Variants in TTC14 observed in about 807,000 individuals in gnomAD.
TTC14 encodes the protein tetratricopeptide repeat domain 14.
A neutral mutation model predicts 79.9 loss-of-function variants in TTC14; 63 were observed. The observed-to-expected ratio is 0.79, with a 90% CI of 0.64 to 0.97. The LOEUF is 0.97. Among genes scored for constraint, TTC14 ranks in the 50% least tolerant of loss-of-function variants. TTC14 has a pLI of 0.00. For missense variants in TTC14, 895 were observed against 894.0 expected (o/e 1.00, Z -0.01); for synonymous variants, 335 against 309.6 (o/e 1.08, Z -0.86).
rs1252012556 is a variant in TTC14 at position 180,610,282 on chromosome 3, T to TA, written c.2054dup (p.Tyr685Ter). 6.2e-7 allele frequency: 1 copy of TA among 1,613,478 alleles called. No individual in the cohort carries two copies. The highest frequency in any genetic ancestry group is 1.1e-5 in the South Asian group (1 of 90,992). Residue 685 changes from tyrosine (Y) to a stop codon, truncating the protein, a stop_gained and frameshift_variant, in exon 12 of 12, where the codon TAC (tyrosine) becomes TAAC (stop). Transcript: ENST00000296015. LOFTEE classifies it high-confidence loss of function. ...SEYSWKSVEKYKKYAHSGSRD... is the reference protein window; with the variant it reads ...SEYSWKSVEK ...ATACTCTTGGAAGTCAGTTGAGAAATACAAAAAATACGCTCACTCTGGATC... is the reference window on the plus strand; with the variant it reads ...ATACTCTTGGAAGTCAGTTGAGAAATAACAAAAAATACGCTCACTCTGGATC...
chr3:180,615,226 A>G (rs1717186638), downstream of TTC14: 2 of 563,308 alleles, frequency 3.6e-6, no homozygotes, highest in South Asian at 2.8e-5. Context: ...ATGACCATCA[A>G]TAGATATCAA....
Position 180,604,612 on chromosome 3 carries a change from T to C in TTC14, c.701+5T>C. ...AGAGCTTCCTTTATACTACAGGTAA[T>C]TTATCCGTATTATTTCAACAACAGT... On this transcript the variant is annotated splice_donor_5th_base_variant and intron_variant, in intron 5 of 11. Coordinates refer to ENST00000296015, the MANE Select transcript of TTC14 (RefSeq NM_133462.4). 6.3e-7 allele frequency: 1 copy of C among 1,591,972 alleles called. No homozygotes were observed. Among genetic ancestry groups the C allele is most frequent in the Non-Finnish European group, 8.5e-7 (1 of 1,173,824 alleles).
chr3:180,615,030 A>G (rs768191208), downstream of TTC14: 15 of 1,556,386 alleles, frequency 9.6e-6, no homozygotes, highest in Non-Finnish European at 1.3e-5. Flanking sequence ...AAGCTCCAGT[A>G]CTTTAATTGA....
chr3:180,604,198 G>A (rs1292764695), intron 3 of TTC14, 27 bp from the exon 4 acceptor site: 69 of 1,579,632 alleles, frequency 4.4e-5, no homozygotes, highest in Non-Finnish European at 5.7e-5. Context: ...TGAAATGTCT[G>A]GTGTTTTAAA....
rs1017304685 is a variant in TTC14 at position 180,610,303 on chromosome 3, G to A, written c.2074G>A (p.Gly692Arg). The A allele has an allele frequency of 6.2e-7, 1 of 1,613,262 alleles. No homozygotes were observed. Among genetic ancestry groups the A allele is most frequent in the Non-Finnish European group, 8.5e-7 (1 of 1,179,790 alleles). Residue 692 changes from glycine to arginine, a missense_variant, in exon 12 of 12, where the codon GGA becomes AGA. Coordinates refer to ENST00000296015, the MANE Select transcript of TTC14 (RefSeq NM_133462.4). ...GAAATACAAAAAATACGCTCACTCT[G>A]GATCACGTGATTTCAGTAGACATGA... ...VEKYKKYAHSGSRDFSRHEQR... is the reference protein window; with the variant it reads ...VEKYKKYAHSRSRDFSRHEQR...
Position 180,609,777 on chromosome 3 carries a change from C to T in TTC14, c.1548C>T (p.Ser516=). 1 of 1,613,948 alleles carries T rather than the reference C, an allele frequency of 6.2e-7. No homozygotes were observed. The highest frequency in any genetic ancestry group is 1.7e-5 in the Admixed American group (1 of 60,006). ...ACCGTTCAGAGTCTTCTCGCAGTTC[C>T]AGAAGGCATTCATCTAGGGCATCCT... ...KRNRSESSRS[S]RRHSSRASSN... Residue 516 remains serine (S), a synonymous_variant, in exon 12 of 12, where the codon TCC becomes TCT. Transcript: ENST00000296015.
In TTC14 at chr3:180,606,287, C is replaced by T. The variant is rs139586136; in HGVS notation, c.964C>T (p.Arg322Cys). 172 of 1,613,916 alleles carry T rather than the reference C, an allele frequency of 1.1e-4. No homozygotes were observed. The highest frequency in any genetic ancestry group is 2.8e-4 in the Admixed American group (17 of 60,012). Residue 322 changes from arginine (R) to cysteine (C), a missense_variant, in exon 8 of 12, where the codon CGC becomes TGC. Physicochemically the swap from Arg to Cys is radical, Grantham distance 180. Coordinates refer to ENST00000296015, the MANE Select transcript of TTC14 (RefSeq NM_133462.4). ...KIGVDYFKVG[R>C]HVDAMNEYNK... ...CGGAGTTGACTATTTTAAAGTTGGACGCCATGTGGATGCTATGAATGAATA... is the reference window on the plus strand; with the variant it reads ...CGGAGTTGACTATTTTAAAGTTGGATGCCATGTGGATGCTATGAATGAATA...
In TTC14 at chr3:180,610,761, A is replaced by G; in HGVS notation, c.*219A>G. The G allele has an allele frequency of 6.0e-6, 7 of 1,163,884 alleles. No individual in the cohort carries two copies. Among genetic ancestry groups the G allele is most frequent in the Non-Finnish European group, 7.4e-6 (7 of 942,116 alleles). 72.1% of individuals were successfully genotyped at this position (1,163,884 alleles called of 1,614,324 possible). ...AGACTTTTTATGTATATGTTTATGT[A>G]CAGTATATTACTCTTGACAGTTTGA... On this transcript the variant is annotated 3_prime_UTR_variant, in exon 12 of 12. Transcript: ENST00000296015.
chr3:180,610,075 C>G lies in TTC14; in HGVS notation c.1846C>G (p.Pro616Ala), dbSNP rs377159299. The change falls in exon 12 of 12, where the codon CCA becomes GCA. Residue 616 changes from proline to alanine, a missense_variant. Transcript: ENST00000296015. The part of the protein sequence containing the change: ...TQAGSSKTEK[P>A]YKSERHFSSR... The stretch of plus-strand genomic sequence containing the variant: ...AGCAGGTAGTAGCAAAACAGAAAAG[C>G]CATATAAATCAGAAAGACATTTTTC... 36 of 1,613,416 alleles carry G rather than the reference C, an allele frequency of 2.2e-5. 1 individual carries two copies. The highest frequency in any genetic ancestry group is 2.1e-4 in the African/African-American group (16 of 74,906).
chr3:180,609,879 T>C lies in TTC14; in HGVS notation c.1650T>C (p.His550=). ...ATACTTCAGCATCTTTTCTTAACCA[T>C]AAACAAGAAGTGGAGAAACTACTGG... ...PANTSASFLN[H]KQEVEKLLGK... Residue 550 remains histidine (H), a synonymous_variant, in exon 12 of 12, where the codon CAT becomes CAC. Transcript: ENST00000296015. 1 of 1,613,752 alleles carries C rather than the reference T, an allele frequency of 6.2e-7. No homozygotes were observed. The highest frequency in any genetic ancestry group is 8.5e-7 in the Non-Finnish European group (1 of 1,179,872).
Position 180,610,297 on chromosome 3 carries a change from C to T in TTC14, c.2068C>T (p.His690Tyr), listed in dbSNP as rs567854542. The T allele has an allele frequency of 1.5e-5, 24 of 1,613,350 alleles. 1 individual carries two copies. In the South Asian group the frequency reaches 1.6e-4, roughly 11 times the overall value. The change falls in exon 12 of 12, where the codon CAC becomes TAC. Residue 690 changes from histidine (H) to tyrosine (Y), a missense_variant. By Grantham distance (83) the His-to-Tyr change is moderately conservative. Transcript: ENST00000296015. ...KSVEKYKKYA[H>Y]SGSRDFSRHE... is the part of the protein sequence containing the mutation. ...AGTTGAGAAATACAAAAAATACGCTCACTCTGGATCACGTGATTTCAGTAG... is the reference window on the plus strand; with the variant it reads ...AGTTGAGAAATACAAAAAATACGCTTACTCTGGATCACGTGATTTCAGTAG...
At chr3:180,603,847 A>C (rs1012107072) in intron 3 of TTC14, 2 of 241,242 alleles carry the variant, frequency 8.3e-6, no homozygotes, top group Non-Finnish European at 1.6e-5. Flanking sequence ...ATAAAAAGGA[A>C]GAAAAGCAGA....
intron 11 of TTC14, chr3:180,609,263 CTA>C: frequency 2.2e-5 from 19 of 876,182 alleles, no homozygotes; most frequent in Non-Finnish European, 2.5e-5. Flanking sequence ...CCCCCACCCC[CTA>C]CCAAGAATTA....
At chr3:180,602,571 G>A in intron 1 of TTC14, 149 bp downstream of exon 1, 2 of 1,104,402 alleles carry the variant, frequency 1.8e-6, no homozygotes, top group Middle Eastern at 6.1e-4. Context: ...CTGGGTGGAC[G>A]GGGGGCGCTC....
chr3:180,606,654 C>G (rs1001767088), intron 9 of TTC14, 51 bp downstream of exon 9: 28 of 1,548,592 alleles, frequency 1.8e-5, no homozygotes, highest in Non-Finnish European at 2.3e-5. Flanking sequence ...CAACCAACCA[C>G]TAAAAAATTT....
At position 180,604,243 on chromosome 3, in the gene TTC14, G is replaced by A; in HGVS notation, c.505G>A (p.Asp169Asn). 1 of 1,613,524 alleles carries A rather than the reference G, an allele frequency of 6.2e-7. No individual in the cohort carries two copies. Among genetic ancestry groups the A allele is most frequent in the Non-Finnish European group, 8.5e-7 (1 of 1,179,706 alleles). Residue 169 changes from aspartate to asparagine, a missense_variant, in exon 4 of 12, where the codon GAT (aspartate) becomes AAT (asparagine). Asp to Asn is a conservative substitution (Grantham distance 23). Transcript: ENST00000296015. ...LEITALCPLR[D>N]VPSHSNHGDP... ...ATTACAGGCTCTTTGTCCCTTAAGA[G>A]ATGTGCCTTCTCACAGTAACCATGG...
chr3:180,610,749 ATATGTT>A lies in TTC14; in HGVS notation c.*213_*218del. 7.9e-7 allele frequency: 1 copy of A among 1,266,446 alleles called. No homozygotes were observed. Among genetic ancestry groups the A allele is most frequent in the African/African-American group, 1.5e-5 (1 of 66,174 alleles). 78.5% of individuals were successfully genotyped at this position (1,266,446 alleles called of 1,614,324 possible). A position where few individuals can be genotyped will look rare whatever the true frequency, so the allele number is the denominator to read the frequency against. On this transcript the variant is annotated 3_prime_UTR_variant, in exon 12 of 12. Coordinates refer to ENST00000296015, the MANE Select transcript of TTC14 (RefSeq NM_133462.4). ...AGCTTGGTTTTTAGACTTTTTATGT[ATATGTT>A]TATGTACAGTATATTACTCTTGACA... is the stretch of plus-strand genomic sequence containing the variant.
At chr3:180,612,254 TA>T (rs1343405620), downstream of TTC14, among the ~76,000 whole-genome samples, 2 of 152,204 alleles carry the variant, frequency 1.3e-5, no homozygotes, top group Non-Finnish European at 2.9e-5. Flanking sequence ...ACACAACATT[TA>T]AAAAATTTTT....
At chr3:180,616,189 T>TG in intron 12 of TTC14, 1 of 1,036,924 alleles carries the variant, frequency 9.6e-7, no homozygotes, top group East Asian at 2.5e-5. Flanking sequence ...TGCATGGGCC[T>TG]GCCTAACAGC....
Sources: allele counts gnomAD v4.1 joint callset (sites outside exome capture counted in the v4.1 genomes callset), GRCh38; gene constraint gnomAD v4.1.1; transcripts MANE v1.5; gene names NCBI Gene and HGNC (gene_info 2026-07-23, HGNC 2026-07-21).